MYRF: variants seen among roughly 807,000 people sequenced by gnomAD.
The protein encoded by MYRF is myelin gene regulatory factor.
MYRF carries 16 observed loss-of-function variants against 126.3 expected under a neutral mutation model. The observed-to-expected ratio is 0.13, with a 90% CI of 0.09 to 0.19. MYRF has a LOEUF of 0.19. Among genes scored for constraint, MYRF ranks in the 10% least tolerant of loss-of-function variants. The pLI, the probability that MYRF is intolerant of heterozygous loss-of-function variation, is 1.00. For missense variants in MYRF, 1,104 were observed against 1,547.0 expected, an observed-to-expected ratio of 0.71 and a Z score of 4.80; for synonymous variants, 608 against 635.3, an observed-to-expected ratio of 0.96 and a Z score of 0.65.
rs543222579 is a variant in MYRF, at chr11:61,765,023, G to A, written c.47-602G>A. Among the ~76,000 whole-genome samples, 6 of 152,284 alleles carry A rather than the reference G, an allele frequency of 3.9e-5. No homozygotes were observed. The East Asian group carries it at 1.2e-3, about 29-fold the overall frequency. Reference sequence around the variant, plus strand: ...TCTCCTGATTCTGATCCCCACTCCCGCCTGCGGCCAGGGCCTGGGTGCAGG... The same window carrying A: ...TCTCCTGATTCTGATCCCCACTCCCACCTGCGGCCAGGGCCTGGGTGCAGG... On this transcript the variant is annotated intron_variant, in intron 1 of 26. Transcript: ENST00000278836.
At chr11:61,780,634 C>T in intron 18 of MYRF, 78 bp from the exon 19 acceptor site, 1 of 1,426,438 alleles carries the variant, frequency 7.0e-7, no homozygotes, top group Non-Finnish European at 9.6e-7. Flanking sequence ...CCCCCAGCTC[C>T]TGGGGCCACC....
intron 4 of MYRF, 112 bp from the exon 5 acceptor site, chr11:61,770,134 C>G: frequency 8.8e-7 from 1 of 1,131,868 alleles, no homozygotes; most frequent in African/African-American, 1.6e-5. Flanking sequence ...GGGCAGCCCC[C>G]GGGCTTGGCT....
Position 61,776,128 on chromosome 11 carries a change from G to C in MYRF, c.1384G>C (p.Val462Leu). The change falls in exon 9 of 27, where the codon GTC becomes CTC. Residue 462 changes from valine (V) to leucine (L), a missense_variant. By Grantham distance (32) the Val-to-Leu change is conservative (BLOSUM62 1). Around this residue, in one of 10 missense-constraint regions of MYRF, gnomAD observed 23 missense variants for 26.6 expected, o/e 0.86. Coordinates refer to ENST00000278836, the MANE Select transcript of MYRF (RefSeq NM_001127392.3). This position sits in a 1 kb window ranked among gnomAD's most constrained non-coding sequence, Gnocchi z 4.3. ...SDRSKRPFNPVTVNLPPEQVT... is the reference protein window; with the variant it reads ...SDRSKRPFNPLTVNLPPEQVT... ...CCGGAGCAAGCGGCCCTTCAACCCG[G>C]TCACGTGAGTGTCTGACCCTGTTGG... 6.2e-7 allele frequency: 1 copy of C among 1,614,076 alleles called. No individual in the cohort carries two copies. The highest frequency in any genetic ancestry group is 8.5e-7 in the Non-Finnish European group (1 of 1,179,968).
intron 1 of MYRF, among the ~76,000 whole-genome samples, chr11:61,756,463 C>T (rs368966674): frequency 1.3e-5 from 2 of 151,992 alleles, no homozygotes; most frequent in Admixed American, 6.6e-5. Context: ...CACTGTGGCC[C>T]GTGTCAGCCT....
intron 3 of MYRF, 135 bp downstream of exon 3, chr11:61,766,356 G>A (rs943272702): frequency 4.1e-6 from 4 of 977,752 alleles, no homozygotes; most frequent in Non-Finnish European, 5.8e-6. Context: ...GCGTGGGCAG[G>A]TGAGGGAAGG....
At chr11:61,761,214 G>A (rs76071450) in intron 1 of MYRF, among the ~76,000 whole-genome samples, 8 of 145,964 alleles carry the variant, frequency 5.5e-5, no homozygotes, top group East Asian at 2.2e-4. Context: ...ACCCTCCCCC[G>A]TTCCCCGGGA....
chr11:61,755,818 G>A, intron 1 of MYRF: 1 of 465,528 alleles, frequency 2.1e-6, no homozygotes, highest in Admixed American at 2.4e-5. Flanking sequence ...AAAGCAGGTG[G>A]GTGTGCAGGG....
chr11:61,769,229 AC>A (rs1372561144), intron 3 of MYRF, 30 bp from the exon 4 acceptor site: 117 of 1,438,680 alleles, frequency 8.1e-5, no homozygotes, highest in Non-Finnish European at 1.0e-4. Context: ...TCAGCTGCTC[AC>A]CCCCCGGCCC....
At chr11:61,784,225 C>T in intron 24 of MYRF, 55 bp from the exon 25 acceptor site, 1 of 1,522,546 alleles carries the variant, frequency 6.6e-7, no homozygotes, top group Non-Finnish European at 9.0e-7. Context: ...TGGGAGGGGG[C>T]TGGGGTTGAG....
At chr11:61,765,376 T>C (rs989719495) in intron 1 of MYRF, among the ~76,000 whole-genome samples, 31 of 152,266 alleles carry the variant, frequency 2.0e-4, no homozygotes, top group African/African-American at 7.5e-4. Flanking sequence ...ATCCATGCCC[T>C]GGGCCCCTCT....
rs1490720378 is a variant in MYRF at position 61,781,334 on chromosome 11, G to A, written c.2764+5G>A. 2 of 1,612,832 alleles carry A rather than the reference G, an allele frequency of 1.2e-6. No homozygotes were observed. Among genetic ancestry groups the A allele is most frequent in the Non-Finnish European group, 1.7e-6 (2 of 1,179,222 alleles). ...GCCCCAGCACCAACCGCTCAGGTAAGGCTTTCTGTGGGCTGGGGCTTGGGG... is the reference window on the plus strand; with the variant it reads ...GCCCCAGCACCAACCGCTCAGGTAAAGCTTTCTGTGGGCTGGGGCTTGGGG... On this transcript the variant is annotated splice_donor_5th_base_variant and intron_variant, in intron 21 of 26. Transcript: ENST00000278836.
In MYRF at chr11:61,786,264, A is replaced by G; in HGVS notation, c.*121A>G. ...GCCAGCTCTGCTGTTCACTGGCCCT[A>G]CCCGAGACTGGTGAAACTGGAAGTC... is the stretch of plus-strand genomic sequence containing the variant. On this transcript the variant is annotated 3_prime_UTR_variant, in exon 27 of 27. Coordinates refer to ENST00000278836, the MANE Select transcript of MYRF (RefSeq NM_001127392.3). This position sits in a 1 kb window ranked among gnomAD's most constrained non-coding sequence, Gnocchi z 4.5. 1 of 919,020 alleles carries G rather than the reference A, an allele frequency of 1.1e-6. No homozygotes were observed. The highest frequency in any genetic ancestry group is 1.7e-5 in the African/African-American group (1 of 60,568). The allele number at this position is 919,020 out of a possible 1,614,324, so 56.9% of individuals were successfully genotyped here.
chr11:61,766,906 A>C (rs1411467726), intron 3 of MYRF: 2 of 410,874 alleles, frequency 4.9e-6, no homozygotes, highest in Non-Finnish European at 9.9e-6. Context: ...TCTGGGTGGA[A>C]GAGCATTAAA....
chr11:61,755,784 G>A (rs751126664), intron 1 of MYRF: 74 of 546,782 alleles, frequency 1.4e-4, no homozygotes, highest in Non-Finnish European at 2.5e-4. Flanking sequence ...CATGAGGCTC[G>A]AGTGAGCAAC....
At chr11:61,759,559 C>A (rs186681486) in intron 1 of MYRF, among the ~76,000 whole-genome samples, 1 of 152,018 alleles carries the variant, frequency 6.6e-6, no homozygotes, top group Non-Finnish European at 1.5e-5. Context: ...AGTCCCAGCT[C>A]CTTGGGAGGC....
At position 61,757,653 on chromosome 11, in the gene MYRF, C is replaced by A. The variant is rs1481667423; in HGVS notation, c.46+4863C>A. ...TCCAGTGGGGCCCGCCCCACCTCCC[C>A]CTCTGAGATTTGGGTTCTGTTCTTG... On this transcript the variant is annotated intron_variant, in intron 1 of 26. Transcript: ENST00000278836. The surrounding 1 kb of genome is among the most constrained non-coding windows in gnomAD (Gnocchi z 4.7). The A allele has an allele frequency of 7.0e-6, 3 of 425,848 alleles. No individual in the cohort carries two copies. Among genetic ancestry groups the A allele is most frequent in the Non-Finnish European group, 9.5e-6 (2 of 210,838 alleles). The allele number at this position is 425,848 out of a possible 1,614,324, so 26.4% of individuals were successfully genotyped here.
chr11:61,785,291 A>G (rs2066664152), intron 25 of MYRF: 1 of 161,374 alleles, frequency 6.2e-6, no homozygotes, highest in African/African-American at 2.4e-5. Flanking sequence ...CGCACAGCCA[A>G]AGCCTCAGGT....
chr11:61,784,074 G>A (rs1184850597), intron 24 of MYRF, 149 bp downstream of exon 24: 7 of 1,067,232 alleles, frequency 6.6e-6, no homozygotes, highest in Middle Eastern at 2.3e-4. Flanking sequence ...TGCCTACTTC[G>A]TGGTTAACTG....
Position 61,770,356 on chromosome 11 carries a change from C to T in MYRF, c.571C>T (p.Pro191Ser). 2.7e-6 allele frequency: 4 copies of T among 1,503,142 alleles called. No individual in the cohort carries two copies. Among genetic ancestry groups the T allele is most frequent in the South Asian group, 2.4e-5 (2 of 82,308 alleles). 93.1% of individuals were successfully genotyped at this position (1,503,142 alleles called of 1,614,324 possible). A position where few individuals can be genotyped will look rare whatever the true frequency, so the allele number is the denominator to read the frequency against. ...AGCCCACTTGCCAGGCCCCCCGCCA[C>T]CCCCACCACCCCCACCTCACTACCC... Reference protein sequence around the residue: ...PPAHLPGPPPPPPPPPHYPVL... With the variant: ...PPAHLPGPPPSPPPPPHYPVL... The change falls in exon 5 of 27, where the codon CCC (proline) becomes TCC (serine). Residue 191 changes from proline to serine, a missense_variant. Pro to Ser is a moderately conservative substitution (Grantham distance 74, BLOSUM62 -1). This residue lies in a region of MYRF where 368 missense variants were observed against 403.9 expected (regional missense o/e 0.91). Transcript: ENST00000278836.
Sources: gnomAD v4.1 joint callset for allele counts (sites outside exome capture counted in the v4.1 genomes callset) on GRCh38, gnomAD v4.1.1 for gene constraint, gnomAD v4.1.1 regional missense constraint, Gnocchi (gnomAD v3.1) non-coding constraint, MANE v1.5 for transcripts, NCBI Gene and HGNC (gene_info 2026-07-23, HGNC 2026-07-21) for gene names.